Variants in KLF8 observed in about 807,000 individuals in gnomAD.
KLF8 encodes Krueppel-like factor 8.
In KLF8, 10 loss-of-function variants were observed where a neutral mutation model predicts 18.2. That is an observed-to-expected ratio of 0.55 (90% confidence interval 0.34 to 0.93). KLF8 has a LOEUF of 0.93. Among genes scored for constraint, KLF8 ranks in the 40% least tolerant of loss-of-function variants. KLF8 has a pLI of 0.02. For missense variants in KLF8, 264 were observed against 277.9 expected, an observed-to-expected ratio of 0.95 and a Z score of 0.36; for synonymous variants, 109 against 97.3, an observed-to-expected ratio of 1.12 and a Z score of -0.71.
chrX:56,268,956 C>T, intron 3 of KLF8: 4 of 943,457 alleles, frequency 4.2e-6, no homozygotes, highest in Non-Finnish European at 4.0e-6. Context: ...TGGACTAATC[C>T]TAGAATTTGA....
At chrX:56,276,121 C>T (rs1479056655) in intron 5 of KLF8, among the ~76,000 whole-genome samples, 4 of 110,643 alleles carry the variant, frequency 3.6e-5, no homozygotes, top group African/African-American at 1.3e-4. Context: ...GGCTTTCCTT[C>T]CTGGGAGACC....
the KLF8 span, among the ~76,000 whole-genome samples, chrX:56,026,914 C>T: frequency 7.1e-5 from 8 of 112,804 alleles, no homozygotes; most frequent in Admixed American, 6.5e-4. Flanking sequence ...ACTCCATAGG[C>T]TTGTATGCCG....
At chrX:55,987,578 A>C in the KLF8 span, among the ~76,000 whole-genome samples, 56 of 111,859 alleles carry the variant, frequency 5.0e-4, no homozygotes, top group Admixed American at 4.7e-4. Flanking sequence ...TATGTGCCAC[A>C]TTTTCTTAAT....
the KLF8 span, among the ~76,000 whole-genome samples, chrX:56,003,397 G>A: frequency 9.6e-5 from 10 of 103,758 alleles, no homozygotes; most frequent in African/African-American, 2.8e-4. Flanking sequence ...GTGACAGAGC[G>A]AGACTCCGTA....
chrX:56,155,869 C>A, the KLF8 span, among the ~76,000 whole-genome samples: 1 of 111,376 alleles, frequency 9.0e-6, no homozygotes, highest in South Asian at 3.8e-4. Context: ...TCCGTGTGTG[C>A]TCAATACTTA....
At chrX:56,188,865 T>C in the KLF8 span, among the ~76,000 whole-genome samples, 3 of 111,930 alleles carry the variant, frequency 2.7e-5, no homozygotes, top group African/African-American at 9.7e-5. Flanking sequence ...ATTCAAAAAT[T>C]AATTCAAGAT....
At chrX:56,166,519 T>C in the KLF8 span, among the ~76,000 whole-genome samples, 1 of 112,173 alleles carries the variant, frequency 8.9e-6, no homozygotes, top group African/African-American at 3.2e-5. Context: ...CTGGGATATT[T>C]GTAGATACAT....
rs1356369920 is a variant in KLF8, at chrX:56,271,237, C to G, written c.898+916C>G. Among the ~76,000 whole-genome samples the G allele has an allele frequency of 2.7e-5, 3 of 110,845 alleles. No homozygotes were observed. The East Asian group carries it at 8.5e-4, about 31-fold the overall frequency. Reference sequence around the variant, plus strand: ...GAATGTAGGTGGCTCTGAAATCAATCCCCCATGGATACTGAGGGACGACTG... The same window carrying G: ...GAATGTAGGTGGCTCTGAAATCAATGCCCCATGGATACTGAGGGACGACTG... On this transcript the variant is annotated intron_variant, in intron 5 of 5. Transcript: ENST00000468660.
chrX:56,085,795 G>A, the KLF8 span, among the ~76,000 whole-genome samples: 2 of 112,093 alleles, frequency 1.8e-5, no homozygotes, highest in Non-Finnish European at 3.8e-5. Context: ...AATAAACCCA[G>A]TACTGAAGGA....
chrX:56,158,510 T>C, the KLF8 span, among the ~76,000 whole-genome samples: 1 of 112,095 alleles, frequency 8.9e-6, no homozygotes, highest in Non-Finnish European at 1.9e-5. Context: ...TATTGATTCT[T>C]CCTATCCATG....
At chrX:56,035,128 G>T in the KLF8 span, among the ~76,000 whole-genome samples, 5 of 111,611 alleles carry the variant, frequency 4.5e-5, no homozygotes, top group East Asian at 1.4e-3. Flanking sequence ...TTCATTATAT[G>T]CTTCCCAGCC....
the KLF8 span, among the ~76,000 whole-genome samples, chrX:56,057,781 G>T: frequency 9.0e-6 from 1 of 110,735 alleles, no homozygotes; most frequent in Non-Finnish European, 1.9e-5. Flanking sequence ...GTCAAGCCTG[G>T]GGGAATGGCT....
chrX:56,096,951 T>G, the KLF8 span, among the ~76,000 whole-genome samples: 2 of 111,397 alleles, frequency 1.8e-5, no homozygotes, highest in Non-Finnish European at 3.8e-5. Context: ...CTATAAATTT[T>G]GTAAACTAGA....
At chrX:55,948,047 G>A in the KLF8 span, among the ~76,000 whole-genome samples, 20 of 111,892 alleles carry the variant, frequency 1.8e-4, no homozygotes, top group Admixed American at 1.7e-3. Flanking sequence ...CATTTTTGGT[G>A]CTGGAAGTTG....
At position 56,288,180 on chromosome X, in the gene KLF8, A is replaced by G. The variant is rs958225911; in HGVS notation, c.*3686A>G. ...CTTGAACCTGGGAGGCGGAGGTTGCAGTGAGCTGAGATCATGCCACTTCAC... is the reference window on the plus strand; with the variant it reads ...CTTGAACCTGGGAGGCGGAGGTTGCGGTGAGCTGAGATCATGCCACTTCAC... On this transcript the variant is annotated 3_prime_UTR_variant, in exon 6 of 6. Coordinates refer to ENST00000468660, the MANE Select transcript of KLF8 (RefSeq NM_007250.5). Among the ~76,000 whole-genome samples, 2 of 110,858 alleles carry G rather than the reference A, an allele frequency of 1.8e-5. No individual in the cohort carries two copies. Among genetic ancestry groups the G allele is most frequent in the African/African-American group, 6.6e-5 (2 of 30,411 alleles).
chrX:56,174,734 T>G, the KLF8 span, among the ~76,000 whole-genome samples: 2 of 111,709 alleles, frequency 1.8e-5, no homozygotes, highest in Non-Finnish European at 3.8e-5. Flanking sequence ...CTTGGCCTTT[T>G]TTTGGTTGCT....
chrX:56,016,351 G>A, the KLF8 span, among the ~76,000 whole-genome samples: 1 of 112,185 alleles, frequency 8.9e-6, no homozygotes, highest in Non-Finnish European at 1.9e-5. Context: ...AGCCCTAGAA[G>A]CTGTCATAGT....
chrX:56,158,778 G>A, the KLF8 span, among the ~76,000 whole-genome samples: 1 of 112,018 alleles, frequency 8.9e-6, no homozygotes, highest in African/African-American at 3.2e-5. Context: ...AGCTTAAGGA[G>A]ATTTTGGGCT....
the KLF8 span, among the ~76,000 whole-genome samples, chrX:56,181,400 G>T: frequency 1.8e-5 from 2 of 111,215 alleles, no homozygotes; most frequent in African/African-American, 3.3e-5. Context: ...ACACTGATCG[G>T]TCTTGACTCT....
Sources: gnomAD v4.1 joint callset for allele counts (sites outside exome capture counted in the v4.1 genomes callset) on GRCh38, gnomAD v4.1.1 for gene constraint, MANE v1.5 for transcripts, NCBI Gene and HGNC (gene_info 2026-07-23, HGNC 2026-07-21) for gene names.